The following LAMP1 variants were observed in gnomAD, a reference collection of about 807,000 sequenced individuals.
The protein encoded by LAMP1 is lysosome associated membrane protein 1.
LAMP1 carries 7 observed loss-of-function variants against 37.5 expected under a neutral mutation model. That is an observed-to-expected ratio of 0.19 (90% confidence interval 0.11 to 0.35). The LOEUF (loss-of-function observed/expected upper bound fraction) is 0.35. LAMP1 is among the 10% of genes least tolerant of loss of function. The pLI is 1.00. For missense variants in LAMP1, 537 were observed against 552.8 expected (o/e 0.97, Z 0.29); for synonymous variants, 236 against 229.1 (o/e 1.03, Z -0.27).
rs1025456150 is a variant in LAMP1 at position 113,306,700 on chromosome 13, G to A, written c.183+94G>A. 2.3e-5 allele frequency: 33 copies of A among 1,406,238 alleles called. No homozygotes were observed. The African/African-American group carries it at 4.2e-4, about 18-fold the overall frequency. 87.1% of individuals were successfully genotyped at this position (1,406,238 alleles called of 1,614,324 possible). ...AAGTCTTTGAAAAATGGCCCCATCT[G>A]AACATGGTGCTTTTCCTATCTGCAT... On this transcript the variant is annotated intron_variant, in intron 2 of 8. Coordinates refer to ENST00000332556, the MANE Select transcript of LAMP1 (RefSeq NM_005561.4).
At chr13:113,307,064 C>T (rs1232954181) in intron 2 of LAMP1, among the ~76,000 whole-genome samples, 2 of 151,864 alleles carry the variant, frequency 1.3e-5, no homozygotes, top group African/African-American at 4.8e-5. Flanking sequence ...TGGTCTCAGT[C>T]TCCTGACCTC....
intron 4 of LAMP1, among the ~76,000 whole-genome samples, chr13:113,313,815 A>C (rs1176453297): frequency 2.1e-4 from 16 of 76,606 alleles, no homozygotes; most frequent in East Asian, 4.2e-4. Context: ...TGGAGATGTC[A>C]GTGTGCCTGG....
chr13:113,302,130 T>G (rs1457981870), intron 1 of LAMP1, among the ~76,000 whole-genome samples: 1 of 152,186 alleles, frequency 6.6e-6, no homozygotes, highest in East Asian at 1.9e-4. Context: ...CCCAAAGTGC[T>G]GGGATTACAG....
At chr13:113,307,865 G>A (rs2042608326) in intron 2 of LAMP1, among the ~76,000 whole-genome samples, 1 of 149,868 alleles carries the variant, frequency 6.7e-6, no homozygotes, top group Non-Finnish European at 1.5e-5. Flanking sequence ...AGGCTGAGGT[G>A]GGAGGATTGC....
At chr13:113,308,939 C>A (rs2042614791) in intron 2 of LAMP1, among the ~76,000 whole-genome samples, 1 of 152,112 alleles carries the variant, frequency 6.6e-6, no homozygotes, top group Non-Finnish European at 1.5e-5. Context: ...TAAACACCTT[C>A]TTTGTTTAAA....
intron 4 of LAMP1, among the ~76,000 whole-genome samples, chr13:113,319,004 AC>A (rs1248875944): frequency 6.6e-6 from 1 of 152,096 alleles, no homozygotes; most frequent in Non-Finnish European, 1.5e-5. Flanking sequence ...CCTGGCGCTC[AC>A]CCGACAGCTC....
rs2042696817 is a variant in LAMP1, at chr13:113,321,138, C to G, written c.877-266C>G. 2.2e-6 allele frequency: 1 copy of G among 448,852 alleles called. No individual in the cohort carries two copies. The highest frequency in any genetic ancestry group is 2.0e-5 in the African/African-American group (1 of 49,916). The allele number at this position is 448,852 out of a possible 1,614,324, so 27.8% of individuals were successfully genotyped here. ...AAGGTTGCGATGAGCCGTGATCACT[C>G]CACTGCACTCCAGCCTGGGTGACAG... On this transcript the variant is annotated intron_variant, in intron 6 of 8. Coordinates refer to ENST00000332556, the MANE Select transcript of LAMP1 (RefSeq NM_005561.4). The surrounding 1 kb of genome is among the most constrained non-coding windows in gnomAD (Gnocchi z 5.6).
intron 4 of LAMP1, among the ~76,000 whole-genome samples, chr13:113,318,689 C>T (rs1385194028): frequency 6.6e-6 from 1 of 152,046 alleles, no homozygotes; most frequent in Non-Finnish European, 1.5e-5. Flanking sequence ...CATGTGCCCC[C>T]CCACCCCCAC....
chr13:113,320,494 T>G lies in LAMP1; in HGVS notation c.876+24T>G. On this transcript the variant is annotated intron_variant, in intron 6 of 8. Coordinates refer to ENST00000332556, the MANE Select transcript of LAMP1 (RefSeq NM_005561.4). This position sits in a 1 kb window ranked among gnomAD's most constrained non-coding sequence, Gnocchi z 4.4. ...TGGTGAGGCTGGGGCGGCACCTCTC[T>G]GGGGGCGCCCACTGTGTCTCCACCA... is the stretch of plus-strand genomic sequence containing the variant. 6.2e-7 allele frequency: 1 copy of G among 1,600,008 alleles called. No individual in the cohort carries two copies. The highest frequency in any genetic ancestry group is 1.1e-5 in the South Asian group (1 of 91,010).
chr13:113,303,430 C>G (rs1458871673), intron 1 of LAMP1, among the ~76,000 whole-genome samples: 2 of 152,172 alleles, frequency 1.3e-5, no homozygotes, highest in African/African-American at 4.8e-5. Context: ...GGCCAGGGTG[C>G]CCACCTTGGA....
In LAMP1 at chr13:113,322,318, TC is replaced by T; in HGVS notation, c.1155del (p.Ile386SerfsTer86). The stretch of plus-strand genomic sequence containing the variant: ...CTGCTGGACGAGAACAGCATGCTGA[TC>T]CCCATCGCTGTGGGTGGTGCCCTGG... ...ECLLDENSML[I>X]PIAVGGALAG... On this transcript the variant is annotated frameshift_variant, in exon 9 of 9. Coordinates refer to ENST00000332556, the MANE Select transcript of LAMP1 (RefSeq NM_005561.4). LOFTEE classifies it high-confidence loss of function. 6.2e-7 allele frequency: 1 copy of T among 1,613,734 alleles called. No homozygotes were observed. The highest frequency in any genetic ancestry group is 8.5e-7 in the Non-Finnish European group (1 of 1,179,910).
In LAMP1 at chr13:113,300,462, G is replaced by C. The variant is rs1016740174; in HGVS notation, c.61+2967G>C. 5.6e-4 allele frequency among the ~76,000 whole-genome samples: 81 copies of C among 144,846 alleles called. 1 individual carries two copies. The highest frequency in any genetic ancestry group is 2.1e-3 in the African/African-American group (79 of 38,404). On this transcript the variant is annotated intron_variant, in intron 1 of 8. Transcript: ENST00000332556. ...GATCGTGCCATTGCACTCCAGCCTG[G>C]GCAACAAAATCGAAACTCAATGTCA...
rs113219412 is a variant in LAMP1 at position 113,309,833 on chromosome 13, C to T, written c.374C>T (p.Thr125Ile). The T allele has an allele frequency of 1.2e-6, 2 of 1,613,244 alleles. No individual in the cohort carries two copies. The highest frequency in any genetic ancestry group is 1.8e-4 in the Middle Eastern group (1 of 5,408). The change falls in exon 3 of 9, where the codon ACA (threonine) becomes ATA (isoleucine). Residue 125 changes from threonine to isoleucine, a missense_variant. Transcript: ENST00000332556. ...LMSFVYNLSDTHLFPNASSKE... is the reference protein window; with the variant it reads ...LMSFVYNLSDIHLFPNASSKE... Reference sequence around the variant, plus strand: ...AGTTTTGTTTATAACTTGTCAGACACACACCTTTTCCCCAATGCGAGCTCC... The same window carrying T: ...AGTTTTGTTTATAACTTGTCAGACATACACCTTTTCCCCAATGCGAGCTCC...
chr13:113,321,798 G>A lies in LAMP1; in HGVS notation c.1114+71G>A. 1.3e-6 allele frequency: 2 copies of A among 1,488,742 alleles called. No individual in the cohort carries two copies. The highest frequency in any genetic ancestry group is 1.8e-6 in the Non-Finnish European group (2 of 1,082,580). 92.2% of individuals were successfully genotyped at this position (1,488,742 alleles called of 1,614,324 possible). On this transcript the variant is annotated intron_variant, in intron 8 of 8. Transcript: ENST00000332556. The surrounding 1 kb of genome is among the most constrained non-coding windows in gnomAD (Gnocchi z 5.6). ...TTCAGACTCCGCCTGTGGACGTTTA[G>A]TCGCTTCCGTGTGGGCTGGGGCGAC...
rs1424149840 is a variant in LAMP1 at position 113,320,723 on chromosome 13, C to A, written c.876+253C>A. On this transcript the variant is annotated intron_variant, in intron 6 of 8. Transcript: ENST00000332556. The surrounding 1 kb of genome is among the most constrained non-coding windows in gnomAD (Gnocchi z 4.4). Reference sequence around the variant, plus strand: ...GTGGCTGCAGGGGAGGGCATGCAGGCCGTGCGGCCTTCTGGCTTCAGATGC... The same window carrying A: ...GTGGCTGCAGGGGAGGGCATGCAGGACGTGCGGCCTTCTGGCTTCAGATGC... 6 of 492,048 alleles carry A rather than the reference C, an allele frequency of 1.2e-5. No homozygotes were observed. Among genetic ancestry groups the A allele is most frequent in the Non-Finnish European group, 2.2e-5 (6 of 274,800 alleles). The allele number at this position is 492,048 out of a possible 1,614,324, so 30.5% of individuals were successfully genotyped here. A position where few individuals can be genotyped will look rare whatever the true frequency, so the allele number is the denominator to read the frequency against.
rs1334244358 is a variant in LAMP1 at position 113,320,578 on chromosome 13, A to T, written c.876+108A>T. ...GCAGCGTTAGGAAGGAGGCGGCCTC[A>T]CTTTTTTCTGCCTTCCCTTTATCCT... On this transcript the variant is annotated intron_variant, in intron 6 of 8. Coordinates refer to ENST00000332556, the MANE Select transcript of LAMP1 (RefSeq NM_005561.4). This position sits in a 1 kb window ranked among gnomAD's most constrained non-coding sequence, Gnocchi z 4.4. 2.5e-6 allele frequency: 3 copies of T among 1,217,772 alleles called. No individual in the cohort carries two copies. The African/African-American group carries it at 4.6e-5, about 19-fold the overall frequency. 75.4% of individuals were successfully genotyped at this position (1,217,772 alleles called of 1,614,324 possible).
chr13:113,297,706 G>A lies in LAMP1; in HGVS notation c.61+211G>A, dbSNP rs985940726. ...CAATGGCAGGTGCTTGGGGGACCAG[G>A]AGGTCTCATCCCAGGACCTGGCTCC... is the stretch of plus-strand genomic sequence containing the variant. On this transcript the variant is annotated intron_variant, in intron 1 of 8. Transcript: ENST00000332556. The surrounding 1 kb of genome is among the most constrained non-coding windows in gnomAD (Gnocchi z 4.4). Among the ~76,000 whole-genome samples the A allele has an allele frequency of 6.6e-6, 1 of 152,248 alleles. No homozygotes were observed. The highest frequency in any genetic ancestry group is 1.5e-5 in the Non-Finnish European group (1 of 68,040).
intron 1 of LAMP1, chr13:113,305,448 T>C (rs2042593648): frequency 6.6e-6 from 1 of 152,246 alleles, no homozygotes; most frequent in Admixed American, 6.5e-5. Context: ...GAAAGAACTG[T>C]GTAATAACGT....
At chr13:113,317,068 G>A (rs570216611) in intron 4 of LAMP1, among the ~76,000 whole-genome samples, 1 of 152,302 alleles carries the variant, frequency 6.6e-6, no homozygotes, top group South Asian at 2.1e-4. Context: ...ACCCTTGAGG[G>A]TCTGAATTGC....
Sources: allele counts gnomAD v4.1 joint callset (sites outside exome capture counted in the v4.1 genomes callset), GRCh38; gene constraint gnomAD v4.1.1; non-coding constraint Gnocchi (gnomAD v3.1); transcripts MANE v1.5; gene names NCBI Gene and HGNC (gene_info 2026-07-23, HGNC 2026-07-21).